The following BICD1 variants were observed in gnomAD, a reference collection of about 807,000 sequenced individuals.
BICD1 encodes protein bicaudal D homolog 1.
Under a neutral mutation model 92.5 loss-of-function variants are expected in BICD1, and 35 were observed. That is an observed-to-expected ratio of 0.38 (90% CI 0.29 to 0.50). BICD1 has a LOEUF of 0.50. BICD1 is among the 20% of genes least tolerant of loss of function. The pLI, the probability that BICD1 is intolerant of heterozygous loss-of-function variation, is 0.93. For missense variants in BICD1, 950 were observed against 1,189.8 expected, an observed-to-expected ratio of 0.80 and a Z score of 2.97; for synonymous variants, 429 against 465.1, an observed-to-expected ratio of 0.92 and a Z score of 1.00.
intron 9 of BICD1, among the ~76,000 whole-genome samples, chr12:32,368,308 C>T (rs1470651297): frequency 6.6e-6 from 1 of 152,020 alleles, no homozygotes; most frequent in Non-Finnish European, 1.5e-5. Flanking sequence ...AAGGCTGCAG[C>T]GAGCTATGAT....
chr12:32,155,431 T>C (rs192126646), intron 1 of BICD1, among the ~76,000 whole-genome samples: 1 of 152,234 alleles, frequency 6.6e-6, no homozygotes, highest in Non-Finnish European at 1.5e-5. Flanking sequence ...TTCAGCTAAA[T>C]TTTTAAAATC....
intron 2 of BICD1, among the ~76,000 whole-genome samples, chr12:32,239,664 G>C (rs892351785): frequency 1.3e-5 from 2 of 151,592 alleles, no homozygotes; most frequent in African/African-American, 4.8e-5. Context: ...TGCAACAAGA[G>C]CTGGCATGAT....
At chr12:32,166,236 A>T (rs955012331) in intron 1 of BICD1, among the ~76,000 whole-genome samples, 1 of 151,808 alleles carries the variant, frequency 6.6e-6, no homozygotes, top group Non-Finnish European at 1.5e-5. Flanking sequence ...CCTGGGTTCA[A>T]GCGATTCTCC....
At chr12:32,255,245 C>G (rs1946684356) in intron 2 of BICD1, among the ~76,000 whole-genome samples, 1 of 152,092 alleles carries the variant, frequency 6.6e-6, no homozygotes, top group African/African-American at 2.4e-5. Flanking sequence ...GCCACTGATC[C>G]CATCATCCCC....
intron 2 of BICD1, among the ~76,000 whole-genome samples, chr12:32,279,759 A>G (rs41383746): frequency 0.017 from 2,613 of 152,330 alleles, 76 homozygotes; most frequent in African/African-American, 0.057. Context: ...CTTCAAATTC[A>G]TTGTAGGAGA....
At chr12:32,137,238 G>A (rs1303060948) in intron 1 of BICD1, among the ~76,000 whole-genome samples, 2 of 151,976 alleles carry the variant, frequency 1.3e-5, no homozygotes, top group African/African-American at 2.4e-5. Context: ...ACAGGCATGC[G>A]CCACCACACC....
intron 2 of BICD1, 105 bp downstream of exon 2, chr12:32,216,564 A>G (rs772461591): frequency 3.2e-6 from 4 of 1,242,954 alleles, no homozygotes; most frequent in African/African-American, 1.5e-5. Flanking sequence ...GAGGAGCTGT[A>G]TTAAGCACGA....
At chr12:32,174,616 C>G (rs1460440682) in intron 1 of BICD1, among the ~76,000 whole-genome samples, 2 of 152,178 alleles carry the variant, frequency 1.3e-5, no homozygotes, top group East Asian at 3.8e-4. Flanking sequence ...GAGTTGCTAT[C>G]TCTTGTCTAT....
intron 2 of BICD1, among the ~76,000 whole-genome samples, chr12:32,285,909 A>G (rs771704435): frequency 3.3e-5 from 5 of 152,224 alleles, no homozygotes; most frequent in Non-Finnish European, 5.9e-5. Context: ...AATCTTTTAA[A>G]TTTATTGTGA....
At chr12:32,312,523 C>T (rs1565662713) in intron 4 of BICD1, among the ~76,000 whole-genome samples, 2 of 152,062 alleles carry the variant, frequency 1.3e-5, no homozygotes, top group Non-Finnish European at 2.9e-5. Flanking sequence ...TGTGTATAAA[C>T]GGTCAATACA....
chr12:32,196,666 T>C (rs1225038819), intron 1 of BICD1, among the ~76,000 whole-genome samples: 1 of 152,170 alleles, frequency 6.6e-6, no homozygotes, highest in Non-Finnish European at 1.5e-5. Flanking sequence ...GTACAAACTT[T>C]TAGTTTTAAG....
At chr12:32,258,108 A>C (rs1332268785) in intron 2 of BICD1, among the ~76,000 whole-genome samples, 2 of 152,148 alleles carry the variant, frequency 1.3e-5, no homozygotes, top group Non-Finnish European at 2.9e-5. Flanking sequence ...CTGCCAAACA[A>C]TTTTCCATAG....
intron 8 of BICD1, among the ~76,000 whole-genome samples, chr12:32,362,097 C>G (rs930236710): frequency 2.6e-5 from 4 of 152,244 alleles, no homozygotes; most frequent in Non-Finnish European, 5.9e-5. Flanking sequence ...CAGTGGCTCA[C>G]GCCTATAATC....
At chr12:32,182,278 C>CTTTTTTTTTT (rs759328721) in intron 1 of BICD1, among the ~76,000 whole-genome samples, 1,278 of 81,330 alleles carry the variant, frequency 0.016, 110 homozygotes, top group Middle Eastern at 0.024. Flanking sequence ...TTCTTTCTTT[C>CTTTTTTTTTT]TTTTTTTTTT....
intron 2 of BICD1, among the ~76,000 whole-genome samples, chr12:32,242,151 G>A (rs574596905): frequency 2.9e-4 from 40 of 135,736 alleles, no homozygotes; most frequent in African/African-American, 1.1e-3. Flanking sequence ...GGGAGGTCAA[G>A]GCTGCAATGA....
intron 2 of BICD1, among the ~76,000 whole-genome samples, chr12:32,285,256 G>T (rs10844167): frequency 0.055 from 8,346 of 152,072 alleles, 749 homozygotes; most frequent in African/African-American, 0.19. Flanking sequence ...ACTTCTGCTC[G>T]TGTTACCATA....
intron 2 of BICD1, among the ~76,000 whole-genome samples, chr12:32,224,792 C>T (rs1354338513): frequency 6.6e-6 from 1 of 152,158 alleles, no homozygotes; most frequent in African/African-American, 2.4e-5. Flanking sequence ...ACATCCACCT[C>T]CCAGATTCAA....
rs894433621 is a variant in BICD1 at position 32,254,387 on chromosome 12, A to G, written c.426+37928A>G. 4.6e-5 allele frequency among the ~76,000 whole-genome samples: 7 copies of G among 152,230 alleles called. No individual in the cohort carries two copies. The South Asian group carries it at 6.2e-4, about 14-fold the overall frequency. ...TATTCACTGCCATACCCCACCTACCATATTCACTGCTGTATCCCAAGCTTC... is the reference window on the plus strand; with the variant it reads ...TATTCACTGCCATACCCCACCTACCGTATTCACTGCTGTATCCCAAGCTTC... On this transcript the variant is annotated intron_variant, in intron 2 of 9. Transcript: ENST00000652176.
intron 2 of BICD1, among the ~76,000 whole-genome samples, chr12:32,224,681 T>TTG (rs1440778598): frequency 6.6e-6 from 1 of 152,292 alleles, no homozygotes; most frequent in African/African-American, 2.4e-5. Flanking sequence ...CATAGAATTT[T>TTG]TGTGTGTGTG....
Sources: allele counts gnomAD v4.1 joint callset (sites outside exome capture counted in the v4.1 genomes callset), GRCh38; gene constraint gnomAD v4.1.1; transcripts MANE v1.5; gene names NCBI Gene and HGNC (gene_info 2026-07-23, HGNC 2026-07-21).